Variants in TBXAS1 observed in about 807,000 individuals in gnomAD.
TBXAS1 encodes thromboxane A synthase 1, also known as thromboxane-A synthase.
TBXAS1 carries 48 observed loss-of-function variants against 60.7 expected under a neutral mutation model. The ratio of observed to expected loss-of-function variants is 0.79; its 90% CI spans 0.63 to 1.01. TBXAS1 has a LOEUF of 1.01. Among genes scored for constraint, TBXAS1 ranks in the 50% least tolerant of loss-of-function variants. The pLI is 0.00. For missense variants in TBXAS1, 685 were observed against 686.3 expected, an observed-to-expected ratio of 1.00 and a Z score of 0.02; for synonymous variants, 287 against 269.7, an observed-to-expected ratio of 1.06 and a Z score of -0.63.
chr7:139,923,127 G>A (rs796813313), intron 4 of TBXAS1, among the ~76,000 whole-genome samples: 1 of 151,642 alleles, frequency 6.6e-6, no homozygotes, highest in African/African-American at 2.4e-5. Flanking sequence ...AGACCAGCCT[G>A]GGTAACAAAC....
At chr7:139,932,898 A>C (rs931026395) in intron 4 of TBXAS1, among the ~76,000 whole-genome samples, 6 of 152,062 alleles carry the variant, frequency 3.9e-5, no homozygotes, top group South Asian at 2.1e-4. Context: ...CTCTACAAAA[A>C]AACTTCAAAA....
chr7:139,954,063 T>C (rs2117323941), intron 6 of TBXAS1, among the ~76,000 whole-genome samples: 1 of 152,232 alleles, frequency 6.6e-6, no homozygotes, highest in African/African-American at 2.4e-5. Context: ...GTATTTTATG[T>C]GTGGCCAAGA....
At chr7:139,804,429 A>G (rs1471640555) in intron 4 of TBXAS1, among the ~76,000 whole-genome samples, 1 of 152,216 alleles carries the variant, frequency 6.6e-6, no homozygotes, top group Non-Finnish European at 1.5e-5. Flanking sequence ...GCCTTGTCTC[A>G]GATGAAACTT....
At chr7:139,877,080 T>A (rs982884585) in intron 3 of TBXAS1, among the ~76,000 whole-genome samples, 12 of 152,204 alleles carry the variant, frequency 7.9e-5, no homozygotes, top group Non-Finnish European at 1.5e-5. Flanking sequence ...TTAAACCAAG[T>A]CACACGGCTA....
At chr7:139,854,690 T>A (rs1265671960) in intron 1 of TBXAS1, among the ~76,000 whole-genome samples, 1 of 152,128 alleles carries the variant, frequency 6.6e-6, no homozygotes, top group Non-Finnish European at 1.5e-5. Context: ...TGACTGCAGA[T>A]GAGGATCAAA....
Position 139,784,488 on chromosome 7 carries a change from A to G in TBXAS1, c.-169+1759A>G, listed in dbSNP as rs78035019. On this transcript the variant is annotated intron_variant, in intron 3 of 16. Coordinates refer to the TBXAS1 transcript ENST00000336425. ...GATGCACATGGTCAAAAGATAGTAC[A>G]GAGGGACAAATGGCAAGGAGTGTGT... Among the ~76,000 whole-genome samples, 5 of 152,362 alleles carry G rather than the reference A, an allele frequency of 3.3e-5. No individual in the cohort carries two copies. The East Asian group carries it at 9.7e-4, about 29-fold the overall frequency.
At chr7:139,945,620 GACA>G (rs1808639460) in intron 5 of TBXAS1, among the ~76,000 whole-genome samples, 1 of 152,212 alleles carries the variant, frequency 6.6e-6, no homozygotes, top group Admixed American at 6.5e-5. Context: ...ATTAATCCAT[GACA>G]ACATGCAATA....
At chr7:139,827,037 C>A (rs138889097), upstream of TBXAS1, among the ~76,000 whole-genome samples, 23 of 152,276 alleles carry the variant, frequency 1.5e-4, no homozygotes, top group African/African-American at 5.3e-4. Context: ...GGAACTTCTG[C>A]AGAGCATGAA....
At chr7:139,857,485 CA>C (rs1216697990) in intron 1 of TBXAS1, among the ~76,000 whole-genome samples, 2 of 152,086 alleles carry the variant, frequency 1.3e-5, no homozygotes, top group African/African-American at 4.8e-5. Flanking sequence ...AATACTTAAA[CA>C]AACAAAAGCC....
intron 1 of TBXAS1, among the ~76,000 whole-genome samples, chr7:139,848,068 AC>A (rs1265299791): frequency 2.0e-5 from 3 of 152,114 alleles, no homozygotes; most frequent in Non-Finnish European, 4.4e-5. Context: ...TGACCCTCCT[AC>A]CTCAGCCTCC....
chr7:140,015,913 G>T, intron 11 of TBXAS1, 53 bp downstream of exon 11: 2 of 1,610,954 alleles, frequency 1.2e-6, no homozygotes, highest in Non-Finnish European at 1.7e-6. Flanking sequence ...GTGTGGGATA[G>T]AAATTTACCA....
intron 10 of TBXAS1, 61 bp from the exon 11 acceptor site, chr7:140,015,662 G>A (rs751813838): frequency 1.1e-4 from 169 of 1,594,680 alleles, no homozygotes; most frequent in Non-Finnish European, 1.3e-4. Context: ...TGCCCAGCAC[G>A]CCCCAAGCTC....
intron 9 of TBXAS1, among the ~76,000 whole-genome samples, chr7:139,980,221 A>T (rs780014612): frequency 5.3e-5 from 8 of 152,110 alleles, no homozygotes; most frequent in Non-Finnish European, 1.2e-4. Flanking sequence ...ATTTCCATAC[A>T]TGCTTTTCTT....
chr7:139,975,087 A>G lies in TBXAS1; in HGVS notation c.1134+12854A>G, dbSNP rs10227868. 7.5e-3 allele frequency among the ~76,000 whole-genome samples: 1,145 copies of G among 152,342 alleles called. 16 individuals are homozygous for G. Among genetic ancestry groups the G allele is most frequent in the African/African-American group, 0.026 (1,069 of 41,574 alleles). On this transcript the variant is annotated intron_variant, in intron 9 of 12. Transcript: ENST00000448866. The surrounding 1 kb of genome is among the most constrained non-coding windows in gnomAD (Gnocchi z 4.4). ...GGAGTCAATGCAACAGTCTAGACAC[A>G]GAATTCTTTCTTCGCCAGAAAACCT... is the stretch of plus-strand genomic sequence containing the variant.
chr7:139,996,061 T>G (rs1314898126), intron 9 of TBXAS1, among the ~76,000 whole-genome samples: 1 of 152,086 alleles, frequency 6.6e-6, no homozygotes, highest in African/African-American at 2.4e-5. Context: ...CTCAAACTCC[T>G]AGGTTCAAGT....
At chr7:140,019,477 T>C (rs1220356939) in intron 12 of TBXAS1, among the ~76,000 whole-genome samples, 1 of 152,164 alleles carries the variant, frequency 6.6e-6, no homozygotes, top group African/African-American at 2.4e-5. Context: ...CGTTCTTCCT[T>C]GTCTGCTCAG....
chr7:139,961,633 C>T (rs1017095498), intron 8 of TBXAS1, among the ~76,000 whole-genome samples: 3 of 152,228 alleles, frequency 2.0e-5, no homozygotes, highest in Non-Finnish European at 4.4e-5. Context: ...CAAAGTGGCT[C>T]AATGACTTTC....
chr7:139,978,046 C>T (rs965954915), intron 9 of TBXAS1, among the ~76,000 whole-genome samples: 25 of 152,136 alleles, frequency 1.6e-4, no homozygotes, highest in African/African-American at 5.1e-4. Context: ...TATTGTCCAC[C>T]TCCCAGTGCT....
At chr7:139,886,386 ATTTTTTTTTTTTTTT>A (rs8192818) in intron 3 of TBXAS1, among the ~76,000 whole-genome samples, 1 of 99,636 alleles carries the variant, frequency 1.0e-5, no homozygotes, top group African/African-American at 4.1e-5. Flanking sequence ...TTGCAGATGA[ATTTTTTTTTTTTTTT>A]TTTTTTTTTT....
Sources: allele counts gnomAD v4.1 joint callset (sites outside exome capture counted in the v4.1 genomes callset), GRCh38; gene constraint gnomAD v4.1.1; non-coding constraint Gnocchi (gnomAD v3.1); transcripts MANE v1.5; gene names NCBI Gene and HGNC (gene_info 2026-07-23, HGNC 2026-07-21).